The following CELSR3 variants were observed in gnomAD, a reference collection of about 807,000 sequenced individuals.
CELSR3 encodes EGF-like protein 1.
A neutral mutation model predicts 270.0 loss-of-function variants in CELSR3; 73 were observed. The ratio of observed to expected loss-of-function variants is 0.27; its 90% CI spans 0.22 to 0.33. The LOEUF is 0.33. CELSR3 is among the 10% of genes least tolerant of loss of function. CELSR3 has a pLI of 1.00. For missense variants in CELSR3, 3,614 were observed against 4,533.8 expected, an observed-to-expected ratio of 0.80 and a Z score of 5.83; for synonymous variants, 1,780 against 1,905.4, an observed-to-expected ratio of 0.93 and a Z score of 1.71.
chr3:48,648,249 C>CCCCCCCCCCA lies in CELSR3; in HGVS notation c.6973+16_6973+17insTGGGGGGGGG. The CCCCCCCCCCA allele has an allele frequency of 1.4e-6, 1 of 728,358 alleles. No individual in the cohort carries two copies. The highest frequency in any genetic ancestry group is 2.3e-6 in the Non-Finnish European group (1 of 433,736). The allele number at this position is 728,358 out of a possible 1,614,324, so 45.1% of individuals were successfully genotyped here. On this transcript the variant is annotated intron_variant, in intron 19 of 34. Transcript: ENST00000164024. ...GGCCCCCCTGCTGTGCCCCGCCCTACCCCACCCACAACGCACTGATATTAG... is the reference window on the plus strand; with the variant it reads ...GGCCCCCCTGCTGTGCCCCGCCCTACCCCCCCCCCACCCACCCACAACGCACTGATATTAG...
At chr3:48,647,040 T>C in intron 20 of CELSR3, 112 bp from the exon 21 acceptor site, 1 of 1,067,866 alleles carries the variant, frequency 9.4e-7, no homozygotes. Context: ...GGAGCAGAAT[T>C]GGGGAGTGCA....
At position 48,645,974 on chromosome 3, in the gene CELSR3, C is replaced by T; in HGVS notation, c.7464-106G>A. On this transcript the variant is annotated intron_variant, in intron 22 of 34. Transcript: ENST00000164024. The surrounding 1 kb of genome is among the most constrained non-coding windows in gnomAD (Gnocchi z 5.4). ...GTGCCTGGAGTTGGGGTACAGCATT[C>T]CTCATGGTCCGGGTTGCACAACAGC... The T allele has an allele frequency of 1.9e-6, 3 of 1,570,106 alleles. No homozygotes were observed. Among genetic ancestry groups the T allele is most frequent in the African/African-American group, 1.3e-5 (1 of 74,096 alleles).
chr3:48,662,293 G>A lies in CELSR3; in HGVS notation c.342C>T (p.Gly114=), dbSNP rs1472515517. The part of the protein sequence containing the change: ...QPNEELGIEH[G]VQPLGSRERE... Reference sequence around the variant, plus strand: ...GTTCGCGGCTGCCCAATGGCTGGACGCCGTGTTCAATCCCCAGCTCCTCAT... The same window carrying A: ...GTTCGCGGCTGCCCAATGGCTGGACACCGTGTTCAATCCCCAGCTCCTCAT... Residue 114 remains glycine (G), a synonymous_variant, in exon 1 of 35, where the codon GGC becomes GGT. Coordinates refer to ENST00000164024, the MANE Select transcript of CELSR3 (RefSeq NM_001407.3). The surrounding 1 kb of genome is among the most constrained non-coding windows in gnomAD (Gnocchi z 7.1). 1 of 1,613,050 alleles carries A rather than the reference G, an allele frequency of 6.2e-7. No individual in the cohort carries two copies. The highest frequency in any genetic ancestry group is 8.5e-7 in the Non-Finnish European group (1 of 1,180,018).
In CELSR3 at chr3:48,640,171, G is replaced by A. The variant is rs765451525; in HGVS notation, c.9414C>T (p.Phe3138=). ...RDYPGAMAGR[F]GSRDALDLGA... is the part of the protein sequence containing the mutation. The stretch of plus-strand genomic sequence containing the variant: ...CTAAGTCGAGCGCATCCCGTGACCC[G>A]AAGCGGCCAGCCATGGCGCCAGGGT... The change falls in exon 34 of 35, where the codon TTC becomes TTT. Residue 3138 remains phenylalanine (F), a synonymous_variant. Coordinates refer to ENST00000164024, the MANE Select transcript of CELSR3 (RefSeq NM_001407.3). The surrounding 1 kb of genome is among the most constrained non-coding windows in gnomAD (Gnocchi z 7.5). 1.6e-5 allele frequency: 26 copies of A among 1,612,658 alleles called. No individual in the cohort carries two copies. Among genetic ancestry groups the A allele is most frequent in the South Asian group, 8.8e-5 (8 of 91,072 alleles).
chr3:48,654,447 A>T lies in CELSR3; in HGVS notation c.4994T>A (p.Leu1665Gln). Residue 1665 changes from leucine (L) to glutamine (Q), a missense_variant, in exon 7 of 35, where the codon CTG (leucine) becomes CAG (glutamine). Transcript: ENST00000164024. The surrounding 1 kb of genome is among the most constrained non-coding windows in gnomAD (Gnocchi z 5.4). ...AGVQTSSKKS[L>Q]DLTGPLLLGG... ...CAGAAGAAGAGGGCCCGTCAGGTCC[A>T]GGGACCTGGGGATCAGGGGTCTGGG... 1 of 1,586,838 alleles carries T rather than the reference A, an allele frequency of 6.3e-7. No homozygotes were observed. Among genetic ancestry groups the T allele is most frequent in the Non-Finnish European group, 8.6e-7 (1 of 1,163,304 alleles).
At position 48,661,516 on chromosome 3, in the gene CELSR3, C is replaced by T; in HGVS notation, c.1119G>A (p.Leu373=). The change falls in exon 1 of 35, where the codon CTG becomes CTA. Residue 373 remains leucine (L), a synonymous_variant. Transcript: ENST00000164024. ...TCTGCGGGTCGATGCTGAACAGCTC[C>T]AGCGAGCGGCTGTTCATGAGTGCCG... ...SLAALMNSRS[L]ELFSIDPQSG... is the part of the protein sequence containing the mutation. 1.9e-6 allele frequency: 3 copies of T among 1,604,298 alleles called. No individual in the cohort carries two copies. In the South Asian group the frequency reaches 3.3e-5, roughly 18 times the overall value.
In CELSR3 at chr3:48,655,702, C is replaced by G; in HGVS notation, c.4741+34G>C. The G allele has an allele frequency of 6.4e-7, 1 of 1,569,562 alleles. No individual in the cohort carries two copies. Among genetic ancestry groups the G allele is most frequent in the Non-Finnish European group, 8.8e-7 (1 of 1,139,936 alleles). On this transcript the variant is annotated intron_variant, in intron 4 of 34. Coordinates refer to ENST00000164024, the MANE Select transcript of CELSR3 (RefSeq NM_001407.3). This position sits in a 1 kb window ranked among gnomAD's most constrained non-coding sequence, Gnocchi z 5.8. ...TGGGCCCTGCGTCCTCCAGCACACA[C>G]GCACCCTTTCGCCGTCACATCCGGG...
Position 48,644,657 on chromosome 3 carries a change from A to T in CELSR3, c.8085+59T>A. The T allele has an allele frequency of 7.3e-7, 1 of 1,366,168 alleles. No individual in the cohort carries two copies. The highest frequency in any genetic ancestry group is 1.0e-6 in the Non-Finnish European group (1 of 961,244). The allele number at this position is 1,366,168 out of a possible 1,614,324, so 84.6% of individuals were successfully genotyped here. A position where few individuals can be genotyped will look rare whatever the true frequency, so the allele number is the denominator to read the frequency against. On this transcript the variant is annotated intron_variant, in intron 26 of 34. Coordinates refer to ENST00000164024, the MANE Select transcript of CELSR3 (RefSeq NM_001407.3). This position sits in a 1 kb window ranked among gnomAD's most constrained non-coding sequence, Gnocchi z 4.8. ...GACCGCCCTCAGCTGAGTCCACTGC[A>T]CCTCCTCCCCCAATGAGGGAGGGAA...
chr3:48,640,157 G>T lies in CELSR3; in HGVS notation c.9428C>A (p.Ala3143Glu). The change falls in exon 34 of 35, where the codon GCG (alanine) becomes GAG (glutamate). Residue 3143 changes from alanine to glutamate, a missense_variant. Physicochemically the swap from Ala to Glu is moderately radical, Grantham distance 107 (BLOSUM62 -1). This residue lies in a region of CELSR3 where 1,240 missense variants were observed against 1,351.7 expected (regional missense o/e 0.92). Coordinates refer to ENST00000164024, the MANE Select transcript of CELSR3 (RefSeq NM_001407.3). This position sits in a 1 kb window ranked among gnomAD's most constrained non-coding sequence, Gnocchi z 7.5. ...AMAGRFGSRD[A>E]LDLGAPREWL... ...CTCTCGAGGTGCCCCTAAGTCGAGC[G>T]CATCCCGTGACCCGAAGCGGCCAGC... 1.2e-6 allele frequency: 2 copies of T among 1,612,562 alleles called. No individual in the cohort carries two copies. The highest frequency in any genetic ancestry group is 1.7e-6 in the Non-Finnish European group (2 of 1,179,916).
Position 48,653,993 on chromosome 3 carries a change from G to A in CELSR3, c.5163C>T (p.Ala1721=). 6.2e-7 allele frequency: 1 copy of A among 1,612,926 alleles called. No homozygotes were observed. The highest frequency in any genetic ancestry group is 8.5e-7 in the Non-Finnish European group (1 of 1,179,582). The change falls in exon 8 of 35, where the codon GCC becomes GCT. Residue 1721 remains alanine, a synonymous_variant. Transcript: ENST00000164024. The surrounding 1 kb of genome is among the most constrained non-coding windows in gnomAD (Gnocchi z 6.5). ...ANNGTMAGCQ[A]KLHFCDSGPC... ...GGCCTGAGTCACAAAAGTGTAGCTTGGCTTGGCAGCCTGGGAGAGGAAAGC... is the reference window on the plus strand; with the variant it reads ...GGCCTGAGTCACAAAAGTGTAGCTTAGCTTGGCAGCCTGGGAGAGGAAAGC...
In CELSR3 at chr3:48,654,313, C is replaced by G; in HGVS notation, c.5128G>C (p.Val1710Leu). ...CCTGCCATGGTGCCATTATTTGCGA[C>G]AAAAGCCGCCATGTCCACTCGGCGG... ...DGRRVDMAAF[V>L]ANNGTMAGCQ... Residue 1710 changes from valine to leucine, a missense_variant, in exon 7 of 35, where the codon GTC becomes CTC. Physicochemically the swap from Val to Leu is conservative, Grantham distance 32 (BLOSUM62 1). This residue lies in a region of CELSR3 where 1,331 missense variants were observed against 1,933.7 expected (regional missense o/e 0.69). Transcript: ENST00000164024. This position sits in a 1 kb window ranked among gnomAD's most constrained non-coding sequence, Gnocchi z 5.4. 6.2e-7 allele frequency: 1 copy of G among 1,613,824 alleles called. No individual in the cohort carries two copies. Among genetic ancestry groups the G allele is most frequent in the Non-Finnish European group, 8.5e-7 (1 of 1,180,026 alleles).
rs2047175106 is a variant in CELSR3 at position 48,655,775 on chromosome 3, C to G, written c.4702G>C (p.Glu1568Gln). 6.2e-7 allele frequency: 1 copy of G among 1,613,618 alleles called. No individual in the cohort carries two copies. The highest frequency in any genetic ancestry group is 1.3e-5 in the African/African-American group (1 of 74,886). The change falls in exon 4 of 35, where the codon GAA (glutamate) becomes CAA (glutamine). Residue 1568 changes from glutamate (E) to glutamine (Q), a missense_variant. Physicochemically the swap from Glu to Gln is conservative, Grantham distance 29. Transcript: ENST00000164024. This position sits in a 1 kb window ranked among gnomAD's most constrained non-coding sequence, Gnocchi z 5.8. ...AGCCGCACTTGGCCAGCCACGAGTT[C>G]CAGGGCCAGGAAGTCGTGCTTCTCG... is the stretch of plus-strand genomic sequence containing the variant. ...LNEKHDFLALELVAGQVRLTY... is the reference protein window; with the variant it reads ...LNEKHDFLALQLVAGQVRLTY...
At position 48,652,394 on chromosome 3, in the gene CELSR3, CT is replaced by C. The variant is rs958717150; in HGVS notation, c.5751+42del. On this transcript the variant is annotated intron_variant, in intron 11 of 34. Coordinates refer to ENST00000164024, the MANE Select transcript of CELSR3 (RefSeq NM_001407.3). This position sits in a 1 kb window ranked among gnomAD's most constrained non-coding sequence, Gnocchi z 4.3. ...CCAAGGAGCCCCTGACTTCTGACCC[CT>C]GACCCTAATGCCCCATATCACATTC... 1.8e-5 allele frequency: 27 copies of C among 1,491,606 alleles called. No individual in the cohort carries two copies. The Admixed American group carries it at 4.2e-4, about 23-fold the overall frequency. The allele number at this position is 1,491,606 out of a possible 1,614,324, so 92.4% of individuals were successfully genotyped here. A position where few individuals can be genotyped will look rare whatever the true frequency, so the allele number is the denominator to read the frequency against.
rs371152871 is a variant in CELSR3 at position 48,651,459 on chromosome 3, C to T, written c.6086G>A (p.Arg2029Gln). The change falls in exon 14 of 35, where the codon CGG becomes CAG. Residue 2029 changes from arginine to glutamine, a missense_variant. Transcript: ENST00000164024. This position sits in a 1 kb window ranked among gnomAD's most constrained non-coding sequence, Gnocchi z 7.4. ...ACAGGTTGGGCTCCCCCACCAGCCC[C>T]GTGGGCACTGCTGGTCCATCCTGGG... Reference protein sequence around the residue: ...CEHRMDQQCPRGWWGSPTCGP... With the variant: ...CEHRMDQQCPQGWWGSPTCGP... 1.7e-5 allele frequency: 27 copies of T among 1,613,794 alleles called. No individual in the cohort carries two copies. Among genetic ancestry groups the T allele is most frequent in the African/African-American group, 2.7e-5 (2 of 74,926 alleles).
Position 48,660,971 on chromosome 3 carries a change from C to T in CELSR3, c.1664G>A (p.Arg555His), listed in dbSNP as rs1161884895. The T allele has an allele frequency of 2.5e-6, 4 of 1,613,792 alleles. No homozygotes were observed. The highest frequency in any genetic ancestry group is 1.3e-5 in the African/African-American group (1 of 74,958). The change falls in exon 1 of 35, where the codon CGC becomes CAC. Residue 555 changes from arginine to histidine, a missense_variant. Arg to His is a conservative substitution (Grantham distance 29, BLOSUM62 0). This residue lies in a region of CELSR3 where 354 missense variants were observed against 500.9 expected (regional missense o/e 0.71). Coordinates refer to ENST00000164024, the MANE Select transcript of CELSR3 (RefSeq NM_001407.3). This position sits in a 1 kb window ranked among gnomAD's most constrained non-coding sequence, Gnocchi z 5.5. ...FSEKRYVAQV[R>H]EDVRPHTVVL... Reference sequence around the variant, plus strand: ...GACTGTGTGGGGGCGCACATCCTCGCGCACCTGCGCCACGTAGCGCTTCTC... The same window carrying T: ...GACTGTGTGGGGGCGCACATCCTCGTGCACCTGCGCCACGTAGCGCTTCTC...
chr3:48,643,655 G>A lies in CELSR3; in HGVS notation c.8188C>T (p.Leu2730=), dbSNP rs1309730548. 2 of 1,552,284 alleles carry A rather than the reference G, an allele frequency of 1.3e-6. No individual in the cohort carries two copies. Among genetic ancestry groups the A allele is most frequent in the Admixed American group, 2.0e-5 (1 of 51,156 alleles). ...SALTLRSSFL[L]LLLVSASWLF... ...CAGGAGGCACTGACCAGCAGAAGCA[G>A]CAGGAAGGAGCTGCGAAGGGTCCTG... Residue 2730 remains leucine, a synonymous_variant, in exon 28 of 35, where the codon CTG becomes TTG. Transcript: ENST00000164024.
chr3:48,649,440 CA>C (rs763598042), intron 16 of CELSR3, among the ~76,000 whole-genome samples: 25 of 152,240 alleles, frequency 1.6e-4, no homozygotes, highest in Non-Finnish European at 3.2e-4. Context: ...AGCAACCACA[CA>C]AAGCACAAGG....
At position 48,661,790 on chromosome 3, in the gene CELSR3, A is replaced by G; in HGVS notation, c.845T>C (p.Phe282Ser). Residue 282 changes from phenylalanine to serine, a missense_variant, in exon 1 of 35, where the codon TTC becomes TCC. Around this residue, in one of 7 missense-constraint regions of CELSR3, gnomAD observed 470 missense variants for 469.7 expected, o/e 1.00. Transcript: ENST00000164024. ...APKRMRSRGLFRCRFLPQRPG... is the reference protein window; with the variant it reads ...APKRMRSRGLSRCRFLPQRPG... ...GCGCTGCGGGAGGAAGCGGCAGCGG[A>G]AGAGACCCCGGGAGCGCATGCGCTT... 4 of 1,606,170 alleles carry G rather than the reference A, an allele frequency of 2.5e-6. No individual in the cohort carries two copies. Among genetic ancestry groups the G allele is most frequent in the Non-Finnish European group, 2.5e-6 (3 of 1,177,914 alleles).
Position 48,651,612 on chromosome 3 carries a change from A to G in CELSR3, c.6030T>C (p.Cys2010=). ...AGTGGTGCCCGAAATAGCCACCCAC[A>G]CAGTCACAGGTATAGCCATGGGGGG... The part of the protein sequence containing the change: ...PGAPHGYTCD[C]VGGYFGHHCE... The change falls in exon 13 of 35, where the codon TGT becomes TGC. Residue 2010 remains cysteine, a synonymous_variant. Transcript: ENST00000164024. This position sits in a 1 kb window ranked among gnomAD's most constrained non-coding sequence, Gnocchi z 7.4. 1 of 1,585,454 alleles carries G rather than the reference A, an allele frequency of 6.3e-7. No individual in the cohort carries two copies. Among genetic ancestry groups the G allele is most frequent in the Non-Finnish European group, 8.6e-7 (1 of 1,163,412 alleles).
Sources: allele counts gnomAD v4.1 joint callset (sites outside exome capture counted in the v4.1 genomes callset), GRCh38; gene constraint gnomAD v4.1.1; regional missense constraint gnomAD v4.1.1; non-coding constraint Gnocchi (gnomAD v3.1); transcripts MANE v1.5; gene names NCBI Gene and HGNC (gene_info 2026-07-23, HGNC 2026-07-21).